The following USP36 variants were observed in gnomAD, a reference collection of about 807,000 sequenced individuals.
USP36 encodes the protein ubiquitin carboxyl-terminal hydrolase 36.
In USP36, 59 loss-of-function variants were observed where a neutral mutation model predicts 111.5. The ratio of observed to expected loss-of-function variants is 0.53; its 90% confidence interval spans 0.43 to 0.66. The LOEUF (loss-of-function observed/expected upper bound fraction) is 0.66, where lower values mean the gene tolerates loss of function less well. USP36 is among the 30% of genes least tolerant of loss of function. USP36 has a pLI of 0.00. For missense variants in USP36, 1,488 were observed against 1,468.0 expected, an observed-to-expected ratio of 1.01 and a Z score of -0.22; for synonymous variants, 628 against 581.0, an observed-to-expected ratio of 1.08 and a Z score of -1.16.
At chr17:78,840,408 A>G (rs1225301412) in intron 1 of USP36, 1 of 152,160 alleles carries the variant, frequency 6.6e-6, no homozygotes, top group East Asian at 1.9e-4. Context: ...ACCTCTCCGA[A>G]GTTGACCTGA....
chr17:78,823,986 T>G (rs553676741), intron 6 of USP36, among the ~76,000 whole-genome samples: 2 of 152,322 alleles, frequency 1.3e-5, no homozygotes, highest in South Asian at 4.1e-4. Context: ...CCTCATGGGA[T>G]GCAAACTAGC....
intron 17 of USP36, 96 bp from the exon 18 acceptor site, chr17:78,799,864 A>T: frequency 2.1e-6 from 1 of 477,588 alleles, no homozygotes. Context: ...ACTTACAGTA[A>T]GTGGATGCTT....
intron 2 of USP36, among the ~76,000 whole-genome samples, chr17:78,838,380 A>AAC (rs2145689021): frequency 6.6e-6 from 1 of 151,270 alleles, no homozygotes; most frequent in East Asian, 1.9e-4. Flanking sequence ...TCAAAAAAAA[A>AAC]AAAAAACAAA....
intron 13 of USP36, among the ~76,000 whole-genome samples, chr17:78,812,416 G>A (rs900673065): frequency 3.3e-5 from 5 of 152,012 alleles, no homozygotes; most frequent in Admixed American, 6.6e-5. Context: ...TTGGCCGGGC[G>A]CGGTGGCTCA....
chr17:78,803,275 C>G lies in USP36; in HGVS notation c.2810+110G>C. On this transcript the variant is annotated intron_variant, in intron 16 of 20. Coordinates refer to ENST00000449938, the MANE Select transcript of USP36 (RefSeq NM_001385174.1). The surrounding 1 kb of genome is among the most constrained non-coding windows in gnomAD (Gnocchi z 4.6). ...GATCACAAATCCACATTTTAGAAAA[C>G]CACGCAAGCAGACTACGTTTCCAGA... is the stretch of plus-strand genomic sequence containing the variant. 1 of 1,242,564 alleles carries G rather than the reference C, an allele frequency of 8.0e-7. No homozygotes were observed. The highest frequency in any genetic ancestry group is 2.3e-5 in the Admixed American group (1 of 42,790). The allele number at this position is 1,242,564 out of a possible 1,614,324, so 77.0% of individuals were successfully genotyped here. A position where few individuals can be genotyped will look rare whatever the true frequency, so the allele number is the denominator to read the frequency against.
chr17:78,789,714 C>T (rs1157798722), intron 3 of USP36, among the ~76,000 whole-genome samples: 1 of 152,176 alleles, frequency 6.6e-6, no homozygotes, highest in African/African-American at 2.4e-5. Context: ...CCAACTGTTC[C>T]CTGTGCCACC....
rs1367056747 is a variant in USP36 at position 78,797,088 on chromosome 17, G to C, written c.*812C>G. 6.6e-6 allele frequency: 1 copy of C among 152,226 alleles called. No homozygotes were observed. Among genetic ancestry groups the C allele is most frequent in the Admixed American group, 6.5e-5 (1 of 15,276 alleles). The allele number at this position is 152,226 out of a possible 1,614,324, so 9.4% of individuals were successfully genotyped here. A position where few individuals can be genotyped will look rare whatever the true frequency, so the allele number is the denominator to read the frequency against. On this transcript the variant is annotated 3_prime_UTR_variant, in exon 21 of 21. Coordinates refer to ENST00000449938, the MANE Select transcript of USP36 (RefSeq NM_001385174.1). Reference sequence around the variant, plus strand: ...AGGACTGGTCAAAAATAAATGTTTTGTATTAAGTAGTAAAATAAATGGAGA... The same window carrying C: ...AGGACTGGTCAAAAATAAATGTTTTCTATTAAGTAGTAAAATAAATGGAGA...
intron 7 of USP36, 120 bp from the exon 8 acceptor site, chr17:78,821,181 C>A: frequency 1.1e-6 from 1 of 895,552 alleles, no homozygotes; most frequent in Non-Finnish European, 1.7e-6. Context: ...GATGAGATTC[C>A]CACTAGCCCC....
chr17:78,811,398 T>C (rs1214749421), intron 13 of USP36, among the ~76,000 whole-genome samples: 1 of 152,228 alleles, frequency 6.6e-6, no homozygotes, highest in African/African-American at 2.4e-5. Flanking sequence ...TACGTATGCA[T>C]ATACACATAT....
At chr17:78,809,174 T>C (rs1418805367) in intron 13 of USP36, among the ~76,000 whole-genome samples, 1 of 152,248 alleles carries the variant, frequency 6.6e-6, no homozygotes, top group Non-Finnish European at 1.5e-5. Context: ...AAGGTTTTAT[T>C]GCTTCATTTG....
intron 5 of USP36, among the ~76,000 whole-genome samples, chr17:78,827,895 A>G (rs1001589875): frequency 6.6e-6 from 1 of 152,108 alleles, no homozygotes; most frequent in Non-Finnish European, 1.5e-5. Context: ...TGGGCAATAG[A>G]GCAAGACTCT....
intron 17 of USP36, among the ~76,000 whole-genome samples, chr17:78,800,538 C>T (rs1473512665): frequency 6.6e-6 from 1 of 152,242 alleles, no homozygotes; most frequent in African/African-American, 2.4e-5. Flanking sequence ...TTTCTCCCTG[C>T]CTCCAATTCC....
rs141706175 is a variant in USP36 at position 78,788,024 on chromosome 17, GTC to G, written c.*21-368_*21-367del. On this transcript the variant is annotated intron_variant, in intron 3 of 3. Coordinates refer to the USP36 transcript ENST00000588130. ...GAGGACACCTTGATTCCAGACTCTGGTCTCTCTCTGGCACTGTGAGAGAACAT... is the reference window on the plus strand; with the variant it reads ...GAGGACACCTTGATTCCAGACTCTGGTCTCTCTGGCACTGTGAGAGAACAT... Among the ~76,000 whole-genome samples the G allele has an allele frequency of 1.5e-3, 226 of 152,260 alleles. 2 individuals are homozygous for G. Among genetic ancestry groups the G allele is most frequent in the African/African-American group, 5.2e-3 (214 of 41,540 alleles).
intron 3 of USP36, among the ~76,000 whole-genome samples, chr17:78,788,637 C>G (rs2093555796): frequency 6.6e-6 from 1 of 151,840 alleles, no homozygotes; most frequent in African/African-American, 2.4e-5. Flanking sequence ...AACAGACAGC[C>G]CACCCGCATC....
At chr17:78,789,038 A>AG (rs2093559648) in intron 3 of USP36, among the ~76,000 whole-genome samples, 2 of 103,748 alleles carry the variant, frequency 1.9e-5, no homozygotes, top group Admixed American at 1.8e-4. Context: ...TCTCTATTAA[A>AG]ATATGAAAAT....
intron 13 of USP36, among the ~76,000 whole-genome samples, chr17:78,810,017 T>C (rs1187754856): frequency 6.6e-6 from 1 of 152,078 alleles, no homozygotes; most frequent in Admixed American, 6.6e-5. Flanking sequence ...CAGCTAACTT[T>C]TGTATTTTTA....
rs1289985434 is a variant in USP36 at position 78,812,928 on chromosome 17, T to G, written c.1339A>C (p.Ser447Arg). Residue 447 changes from serine (S) to arginine (R), a missense_variant, in exon 13 of 21, where the codon AGT becomes CGT. Ser to Arg is a moderately radical substitution (Grantham distance 110). This residue lies in a region of USP36 where 1,073 missense variants were observed against 994.1 expected (regional missense o/e 1.08). Coordinates refer to ENST00000449938, the MANE Select transcript of USP36 (RefSeq NM_001385174.1). ...TGSSSLPGRP[S>R]VIPDHSKKNI... ...TTCTTGGAGTGATCTGGAATCACACTCGGGCGGCCGGGAAGGGAGGAGGAG... is the reference window on the plus strand; with the variant it reads ...TTCTTGGAGTGATCTGGAATCACACGCGGGCGGCCGGGAAGGGAGGAGGAG... The G allele has an allele frequency of 6.2e-7, 1 of 1,613,968 alleles. No individual in the cohort carries two copies. The highest frequency in any genetic ancestry group is 8.5e-7 in the Non-Finnish European group (1 of 1,180,000).
At chr17:78,826,145 G>C (rs1338975360) in intron 6 of USP36, among the ~76,000 whole-genome samples, 1 of 152,152 alleles carries the variant, frequency 6.6e-6, no homozygotes, top group African/African-American at 2.4e-5. Context: ...TCAGGAGAAG[G>C]GGAAGAACGC....
chr17:78,830,924 T>C (rs1184212792), intron 4 of USP36, among the ~76,000 whole-genome samples: 1 of 151,890 alleles, frequency 6.6e-6, no homozygotes, highest in Non-Finnish European at 1.5e-5. Context: ...GCAAAAATTA[T>C]GTCATTTAAA....
Sources: gnomAD v4.1 joint callset for allele counts (sites outside exome capture counted in the v4.1 genomes callset) on GRCh38, gnomAD v4.1.1 for gene constraint, gnomAD v4.1.1 regional missense constraint, Gnocchi (gnomAD v3.1) non-coding constraint, MANE v1.5 for transcripts, NCBI Gene and HGNC (gene_info 2026-07-23, HGNC 2026-07-21) for gene names.